Variants in TCOF1 observed in about 807,000 individuals in gnomAD.
TCOF1 encodes the protein treacle ribosome biogenesis factor 1.
In TCOF1, 33 loss-of-function variants were observed where a neutral mutation model predicts 149.0. That is an observed-to-expected ratio of 0.22 (90% CI 0.17 to 0.30). The LOEUF is 0.30. Ranked by LOEUF, TCOF1 falls within the 10% of genes least tolerant of loss-of-function variation. TCOF1 has a pLI of 1.00. For synonymous variants in TCOF1, 789 were observed against 738.8 expected (o/e 1.07, Z -1.10); for missense variants, 1,728 against 1,840.7 (o/e 0.94, Z 1.12).
At chr5:150,383,687 G>T (rs755866871) in intron 17 of TCOF1, 107 of 1,533,968 alleles carry the variant, frequency 7.0e-5, no homozygotes, top group Non-Finnish European at 8.4e-5. Context: ...GCTGAGGAAA[G>T]GTCCAAACGC....
chr5:150,388,660 G>A (rs1247738188), intron 18 of TCOF1, among the ~76,000 whole-genome samples: 2 of 152,194 alleles, frequency 1.3e-5, no homozygotes, highest in Non-Finnish European at 1.5e-5. Flanking sequence ...AAATGCAGAC[G>A]GGTGCAGTGG....
intron 3 of TCOF1, among the ~76,000 whole-genome samples, chr5:150,366,117 C>CA (rs1189483486): frequency 0.11 from 10,922 of 95,180 alleles, 446 homozygotes; most frequent in African/African-American, 0.15. Context: ...AAGACTGTCT[C>CA]AAAAAAAAAA....
chr5:150,370,038 G>A (rs1016896477), intron 6 of TCOF1, among the ~76,000 whole-genome samples: 1 of 152,194 alleles, frequency 6.6e-6, no homozygotes, highest in Non-Finnish European at 1.5e-5. Context: ...ACTGGTGAAT[G>A]CCAGGCCTAG....
chr5:150,387,136 T>C (rs1234149649), intron 17 of TCOF1, among the ~76,000 whole-genome samples: 3 of 152,180 alleles, frequency 2.0e-5, no homozygotes, highest in Admixed American at 6.5e-5. Context: ...CTCTCAGTTA[T>C]AAGGACCTTT....
chr5:150,389,906 G>T lies in TCOF1; in HGVS notation c.3066G>T (p.Val1022=), dbSNP rs375763860. The T allele has an allele frequency of 1.2e-6, 2 of 1,614,088 alleles. No homozygotes were observed. Among genetic ancestry groups the T allele is most frequent in the South Asian group, 1.1e-5 (1 of 91,078 alleles). The change falls in exon 19 of 27, where the codon GTG becomes GTT. Residue 1022 remains valine (V), a synonymous_variant. Coordinates refer to ENST00000643257, the MANE Select transcript of TCOF1 (RefSeq NM_001371623.1). The stretch of plus-strand genomic sequence containing the variant: ...TTTCAGGCATCAGAACCAATGTGGT[G>T]ACCATGCCCACTGCCCACCCAAGAA... ...CLTPGIRTNV[V]TMPTAHPRIA... is the part of the protein sequence containing the mutation.
Position 150,396,652 on chromosome 5 carries a change from G to A in TCOF1, c.4155G>A (p.Thr1385=), listed in dbSNP as rs373820740. The change falls in exon 24 of 27, where the codon ACG becomes ACA. Residue 1385 remains threonine (T), a synonymous_variant. Coordinates refer to ENST00000643257, the MANE Select transcript of TCOF1 (RefSeq NM_001371623.1). ...EASVSPEKTS[T]TSKGKAKRDK... is the part of the protein sequence containing the mutation. ...CTGTTTCCCCAGAAAAGACCTCCAC[G>A]ACTTCCAAGGGGAAAGCAAAGAGAG... The A allele has an allele frequency of 7.3e-5, 117 of 1,609,346 alleles. No individual in the cohort carries two copies. The highest frequency in any genetic ancestry group is 1.7e-4 in the Middle Eastern group (1 of 6,040).
chr5:150,358,335 G>T (rs1330006401), intron 1 of TCOF1, among the ~76,000 whole-genome samples: 1 of 152,110 alleles, frequency 6.6e-6, no homozygotes, highest in Non-Finnish European at 1.5e-5. Flanking sequence ...TGTCTGTACT[G>T]AGACGGTCAG....
In TCOF1 at chr5:150,396,321, C is replaced by A; in HGVS notation, c.3824C>A (p.Ser1275Tyr). Residue 1275 changes from serine (S) to tyrosine (Y), a missense_variant, in exon 24 of 27, where the codon TCC (serine) becomes TAC (tyrosine). Transcript: ENST00000643257. ...EAASGTTPQK[S>Y]RKPKKGAGNP... ...GCTTCAGGCACCACACCTCAGAAGT[C>A]CCGGAAGCCCAAGAAAGGGGCTGGG... The A allele has an allele frequency of 6.2e-7, 1 of 1,613,978 alleles. No individual in the cohort carries two copies. Among genetic ancestry groups the A allele is most frequent in the Non-Finnish European group, 8.5e-7 (1 of 1,180,048 alleles).
chr5:150,396,121 G>C (rs1768446707), intron 23 of TCOF1, among the ~76,000 whole-genome samples, 161 bp from the exon 24 acceptor site: 2 of 152,180 alleles, frequency 1.3e-5, no homozygotes, highest in South Asian at 4.1e-4. Flanking sequence ...TGTGAGCTTA[G>C]GAGACCAGCT....
chr5:150,391,816 C>T, intron 20 of TCOF1, 141 bp from the exon 21 acceptor site: 2 of 1,166,934 alleles, frequency 1.7e-6, no homozygotes, highest in Non-Finnish European at 2.5e-6. Flanking sequence ...ATTACAGTAC[C>T]TTTCGTAGTT....
intron 22 of TCOF1, 61 bp downstream of exon 22, chr5:150,392,851 T>C (rs1767723776): frequency 6.3e-7 from 1 of 1,577,056 alleles, no homozygotes; most frequent in South Asian, 1.1e-5. Flanking sequence ...CAGGCCAGGC[T>C]CCTGTCTACC....
intron 17 of TCOF1, chr5:150,384,116 C>T (rs918134122): frequency 7.6e-5 from 90 of 1,179,906 alleles, no homozygotes; most frequent in Non-Finnish European, 8.8e-5. Flanking sequence ...ACCACCTCCC[C>T]TTGAATATCA....
chr5:150,371,926 A>G, intron 6 of TCOF1, 80 bp from the exon 7 acceptor site: 1 of 1,278,480 alleles, frequency 7.8e-7, no homozygotes, highest in Non-Finnish European at 1.1e-6. Flanking sequence ...AGCTTTATCA[A>G]CTGCTGAAGC....
At chr5:150,399,193 AG>A in intron 26 of TCOF1, 123 bp downstream of exon 26, 1 of 1,397,592 alleles carries the variant, frequency 7.2e-7, no homozygotes, top group Non-Finnish European at 1.0e-6. Flanking sequence ...CTGGGGAAAG[AG>A]GTTCTGTTGC....
chr5:150,374,901 G>A (rs2150701514), intron 9 of TCOF1, 53 bp from the exon 10 acceptor site: 1 of 1,611,492 alleles, frequency 6.2e-7, no homozygotes. Flanking sequence ...TCCAGCTCCT[G>A]TCTCCACACG....
chr5:150,372,045 T>A lies in TCOF1; in HGVS notation c.679T>A (p.Ser227Thr), dbSNP rs1469953490. The A allele has an allele frequency of 6.2e-7, 1 of 1,614,062 alleles. No homozygotes were observed. Among genetic ancestry groups the A allele is most frequent in the Non-Finnish European group, 8.5e-7 (1 of 1,180,038 alleles). The change falls in exon 7 of 27, where the codon TCA (serine) becomes ACA (threonine). Residue 227 changes from serine (S) to threonine (T), a missense_variant. Transcript: ENST00000643257. ...SVKPAQVKAS[S>T]VSTKESPARK... ...AAAACCAGCCCAGGTCAAAGCCTCA[T>A]CAGTTTCTACTAAGGAGTCTCCAGC...
intron 2 of TCOF1, among the ~76,000 whole-genome samples, chr5:150,361,430 C>G (rs563496501): frequency 6.6e-6 from 1 of 152,328 alleles, no homozygotes; most frequent in East Asian, 1.9e-4. Context: ...CTCTTAAGAA[C>G]AAGAGCTTCT....
In TCOF1 at chr5:150,372,142, C is replaced by T. The variant is rs751543070; in HGVS notation, c.776C>T (p.Pro259Leu). The T allele has an allele frequency of 1.2e-5, 19 of 1,614,180 alleles. No individual in the cohort carries two copies. The highest frequency in any genetic ancestry group is 1.7e-5 in the Admixed American group (1 of 60,026). Residue 259 changes from proline (P) to leucine (L), a missense_variant, in exon 7 of 27, where the codon CCA becomes CTA. Around this residue, in one of 2 missense-constraint regions of TCOF1, gnomAD observed 1,696 missense variants for 1,765.4 expected, o/e 0.96. Transcript: ENST00000643257. The part of the protein sequence containing the change: ...TPQVKGGALP[P>L]AKRAKKPEEE... ...CAGGTCAAAGGAGGGGCCCTGCCCCCAGCCAAGAGGGCCAAGAAGCCAGAA... is the reference window on the plus strand; with the variant it reads ...CAGGTCAAAGGAGGGGCCCTGCCCCTAGCCAAGAGGGCCAAGAAGCCAGAA...
intron 17 of TCOF1, chr5:150,384,537 CCT>C: frequency 1.0e-6 from 1 of 985,458 alleles, no homozygotes; most frequent in Non-Finnish European, 1.2e-6. Context: ...AGGCCACCTG[CCT>C]CTCTGAGGGA....
Sources: allele counts gnomAD v4.1 joint callset (sites outside exome capture counted in the v4.1 genomes callset), GRCh38; gene constraint gnomAD v4.1.1; regional missense constraint gnomAD v4.1.1; transcripts MANE v1.5; gene names NCBI Gene and HGNC (gene_info 2026-07-23, HGNC 2026-07-21).